TMOD3: variants seen among roughly 807,000 people sequenced by gnomAD.
TMOD3 encodes the protein tropomodulin-3.
In TMOD3, 20 loss-of-function variants were observed where a neutral mutation model predicts 39.2. That is an observed-to-expected ratio of 0.51 (90% CI 0.36 to 0.74). The LOEUF (loss-of-function observed/expected upper bound fraction) is 0.74. TMOD3 is among the 30% of genes least tolerant of loss of function. The pLI is 0.00. For synonymous variants in TMOD3, 143 were observed against 145.8 expected (o/e 0.98, Z 0.14); for missense variants, 381 against 412.8 (o/e 0.92, Z 0.67).
rs539777482 is a variant in TMOD3, at chr15:51,898,993, A to G, written c.736-1162A>G. On this transcript the variant is annotated intron_variant, in intron 7 of 9. Transcript: ENST00000308580. ...CTGTATCCTATGAGAAATGAAATAG[A>G]AGCAGATTGAAGACATACCATTACT... The G allele has an allele frequency of 5.1e-4, 77 of 152,368 alleles. 1 individual carries two copies. Among genetic ancestry groups the G allele is most frequent in the African/African-American group, 1.9e-3 (77 of 41,576 alleles). 9.4% of individuals were successfully genotyped at this position (152,368 alleles called of 1,614,324 possible).
In TMOD3 at chr15:51,909,939, AT is replaced by A. The variant is rs1397779313; in HGVS notation, c.*1130del. ...ATGCTTCCTTTCATCTTATACTTTT[AT>A]CAATATTTATAAAAGTCATTTCTAT... On this transcript the variant is annotated 3_prime_UTR_variant, in exon 10 of 10. Coordinates refer to ENST00000308580, the MANE Select transcript of TMOD3 (RefSeq NM_014547.5). 5 of 152,244 alleles carry A rather than the reference AT, an allele frequency of 3.3e-5. No individual in the cohort carries two copies. Among genetic ancestry groups the A allele is most frequent in the African/African-American group, 1.2e-4 (5 of 41,470 alleles). 9.4% of individuals were successfully genotyped at this position (152,244 alleles called of 1,614,324 possible).
chr15:51,874,299 T>C (rs1024362573), intron 3 of TMOD3, among the ~76,000 whole-genome samples: 4 of 152,244 alleles, frequency 2.6e-5, no homozygotes, highest in African/African-American at 9.6e-5. Context: ...TTATATGTTT[T>C]ACAGAATTGA....
chr15:51,894,313 G>A (rs1241575331), intron 6 of TMOD3, among the ~76,000 whole-genome samples: 2 of 152,176 alleles, frequency 1.3e-5, no homozygotes, highest in East Asian at 3.8e-4. Flanking sequence ...CTACTTGGGA[G>A]ACTGAGGCTG....
chr15:51,830,128 C>G (rs1433905652), intron 1 of TMOD3, among the ~76,000 whole-genome samples: 1 of 152,160 alleles, frequency 6.6e-6, no homozygotes, highest in Non-Finnish European at 1.5e-5. Flanking sequence ...GGACCGGCCC[C>G]CTCCCCTCCC....
intron 1 of TMOD3, among the ~76,000 whole-genome samples, chr15:51,834,568 C>T (rs1410471400): frequency 1.3e-5 from 2 of 152,120 alleles, no homozygotes; most frequent in Non-Finnish European, 2.9e-5. Flanking sequence ...CAGTGGCTCA[C>T]ACCTGTAATC....
chr15:51,836,648 C>G (rs1036657068), intron 1 of TMOD3, among the ~76,000 whole-genome samples: 4 of 151,224 alleles, frequency 2.6e-5, no homozygotes, highest in African/African-American at 9.7e-5. Flanking sequence ...TCGCTTGAAC[C>G]TGGGAGGTGG....
At chr15:51,844,380 TC>T (rs1223244758) in intron 1 of TMOD3, among the ~76,000 whole-genome samples, 2 of 152,168 alleles carry the variant, frequency 1.3e-5, no homozygotes, top group Non-Finnish European at 2.9e-5. Context: ...AGGAAAACCC[TC>T]CGAAACTCCT....
At chr15:51,839,646 A>G (rs1183158823) in intron 1 of TMOD3, among the ~76,000 whole-genome samples, 3 of 152,112 alleles carry the variant, frequency 2.0e-5, no homozygotes, top group African/African-American at 4.8e-5. Context: ...TCCTGAGCTC[A>G]AACAATCCTC....
chr15:51,835,488 T>A (rs1224109927), intron 1 of TMOD3, among the ~76,000 whole-genome samples: 2 of 152,146 alleles, frequency 1.3e-5, no homozygotes, highest in Non-Finnish European at 2.9e-5. Context: ...TTTGTATGTT[T>A]AGTAGAGATG....
chr15:51,881,481 T>C (rs369469645), intron 3 of TMOD3, among the ~76,000 whole-genome samples: 1 of 151,806 alleles, frequency 6.6e-6, no homozygotes, highest in African/African-American at 2.4e-5. Context: ...TTGTTACTTA[T>C]ACTTTTGGTG....
chr15:51,888,840 G>T lies in TMOD3; in HGVS notation c.407-216G>T, dbSNP rs185666290. Among the ~76,000 whole-genome samples the T allele has an allele frequency of 4.3e-3, 648 of 152,172 alleles. 4 individuals carry two copies. Among genetic ancestry groups the T allele is most frequent in the Non-Finnish European group, 6.5e-3 (442 of 67,996 alleles). On this transcript the variant is annotated intron_variant, in intron 4 of 9. Coordinates refer to ENST00000308580, the MANE Select transcript of TMOD3 (RefSeq NM_014547.5). ...CTCCAACTCTGAATTTGGAAATGTG[G>T]GGAAATGTAAATTTAGAAATGTGGG...
In TMOD3 at chr15:51,902,006, G is replaced by A. The variant is rs1336642402; in HGVS notation, c.994G>A (p.Ala332Thr). 6.2e-7 allele frequency: 1 copy of A among 1,614,060 alleles called. No homozygotes were observed. Among genetic ancestry groups the A allele is most frequent in the East Asian group, 2.2e-5 (1 of 44,876 alleles). The change falls in exon 9 of 10, where the codon GCT becomes ACT. Residue 332 changes from alanine to threonine, a missense_variant. Ala to Thr is a moderately conservative substitution (Grantham distance 58). Transcript: ENST00000308580. Reference protein sequence around the residue: ...FTQQGPRTRAANAITKNNDLV... With the variant: ...FTQQGPRTRATNAITKNNDLV... ...ACAGCAGGGACCACGAACCAGAGCA[G>A]CTAATGCTATAACAAAAAACAATGA... is the stretch of plus-strand genomic sequence containing the variant.
At chr15:51,887,746 G>A in intron 4 of TMOD3, 35 bp downstream of exon 4, 1 of 1,612,102 alleles carries the variant, frequency 6.2e-7, no homozygotes, top group Non-Finnish European at 8.5e-7. Context: ...GTGAATAAGT[G>A]TGGGGTGGAG....
intron 1 of TMOD3, among the ~76,000 whole-genome samples, chr15:51,840,145 G>A (rs2056306156): frequency 6.6e-6 from 1 of 152,176 alleles, no homozygotes; most frequent in Non-Finnish European, 1.5e-5. Flanking sequence ...ACTGATTATG[G>A]TCTGGTGAGA....
At chr15:51,869,533 A>AT (rs2056464607) in intron 3 of TMOD3, among the ~76,000 whole-genome samples, 160 bp downstream of exon 3, 1 of 152,168 alleles carries the variant, frequency 6.6e-6, no homozygotes, top group South Asian at 2.1e-4. Context: ...CTTTATTTAC[A>AT]TTTTTCATCA....
chr15:51,850,006 T>C (rs952006853), intron 1 of TMOD3, among the ~76,000 whole-genome samples: 1 of 151,254 alleles, frequency 6.6e-6, no homozygotes, highest in Non-Finnish European at 1.5e-5. Context: ...AAGATCAGTT[T>C]GGGTGGAGTG....
At chr15:51,888,949 A>G in intron 4 of TMOD3, 107 bp from the exon 5 acceptor site, 1 of 683,752 alleles carries the variant, frequency 1.5e-6, no homozygotes, top group East Asian at 3.0e-5. Context: ...GTGATCTGTA[A>G]TTTATAGGAA....
At chr15:51,851,159 G>A (rs1351270174) in intron 1 of TMOD3, among the ~76,000 whole-genome samples, 2 of 152,146 alleles carry the variant, frequency 1.3e-5, no homozygotes, top group African/African-American at 4.8e-5. Context: ...ATAACCATGG[G>A]GATGTGGAGC....
intron 1 of TMOD3, among the ~76,000 whole-genome samples, chr15:51,841,246 T>G (rs2056311423): frequency 1.3e-5 from 2 of 152,256 alleles, no homozygotes; most frequent in Non-Finnish European, 2.9e-5. Context: ...ACATGATCCC[T>G]TTATTCTGAG....
Sources: gnomAD v4.1 joint callset for allele counts (sites outside exome capture counted in the v4.1 genomes callset) on GRCh38, gnomAD v4.1.1 for gene constraint, MANE v1.5 for transcripts, NCBI Gene and HGNC (gene_info 2026-07-23, HGNC 2026-07-21) for gene names.